Variants in PDE10A observed in about 807,000 individuals in gnomAD.
The protein encoded by PDE10A is phosphodiesterase 10A, also known as cAMP and cAMP-inhibited cGMP 3',5'-cyclic phosphodiesterase 10A.
In PDE10A, 39 loss-of-function variants were observed where a neutral mutation model predicts 97.7. That is an observed-to-expected ratio of 0.40 (90% CI 0.31 to 0.52). The LOEUF (loss-of-function observed/expected upper bound fraction) is 0.52. PDE10A is among the 20% of genes least tolerant of loss of function. The pLI, the probability that PDE10A is intolerant of heterozygous loss-of-function variation, is 0.56. For missense variants in PDE10A, 731 were observed against 1,047.8 expected, an observed-to-expected ratio of 0.70 and a Z score of 4.17; for synonymous variants, 371 against 376.8, an observed-to-expected ratio of 0.98 and a Z score of 0.18.
At chr6:165,615,277 T>A (rs558438147) in intron 1 of PDE10A, among the ~76,000 whole-genome samples, 2 of 152,086 alleles carry the variant, frequency 1.3e-5, no homozygotes, top group East Asian at 3.9e-4. Context: ...ACTAATTCAA[T>A]TCCATTCATT....
intron 1 of PDE10A, among the ~76,000 whole-genome samples, chr6:165,835,323 G>A (rs1368646941): frequency 1.3e-5 from 2 of 152,250 alleles, no homozygotes; most frequent in African/African-American, 4.8e-5. Context: ...TTATACGGAT[G>A]GGCTTTGGCA....
intron 16 of PDE10A, 54 bp downstream of exon 16, chr6:165,392,592 C>T: frequency 7.3e-6 from 11 of 1,514,084 alleles, no homozygotes; most frequent in Non-Finnish European, 1.0e-5. Context: ...TCCTGACACA[C>T]AGTATTAAAT....
At chr6:165,935,685 C>A (rs1783301759) in intron 1 of PDE10A, among the ~76,000 whole-genome samples, 1 of 152,172 alleles carries the variant, frequency 6.6e-6, no homozygotes, top group African/African-American at 2.4e-5. Flanking sequence ...GAGGCAGAAT[C>A]TTTAAGAGGT....
chr6:165,522,271 G>A (rs892301474), intron 2 of PDE10A, among the ~76,000 whole-genome samples: 3 of 152,112 alleles, frequency 2.0e-5, no homozygotes, highest in Non-Finnish European at 4.4e-5. Context: ...AAAATTCAAG[G>A]AGGAGGGACT....
intron 3 of PDE10A, among the ~76,000 whole-genome samples, chr6:165,466,208 T>C (rs1287655314): frequency 6.6e-6 from 1 of 152,228 alleles, no homozygotes; most frequent in Non-Finnish European, 1.5e-5. Context: ...GAATCTCATT[T>C]AGGACAAAAA....
At chr6:165,635,870 A>T (rs1415396545) in intron 1 of PDE10A, among the ~76,000 whole-genome samples, 1 of 152,262 alleles carries the variant, frequency 6.6e-6, no homozygotes, top group East Asian at 1.9e-4. Flanking sequence ...TAGAAACAGA[A>T]GATTCCATTC....
At chr6:165,623,250 C>T (rs1008264369) in intron 1 of PDE10A, among the ~76,000 whole-genome samples, 2 of 148,748 alleles carry the variant, frequency 1.3e-5, no homozygotes, top group Non-Finnish European at 1.5e-5. Flanking sequence ...CTCAGCCTCC[C>T]GAGTAGCTGG....
chr6:165,631,263 CATG>C (rs142801159), intron 1 of PDE10A, among the ~76,000 whole-genome samples: 3,400 of 152,258 alleles, frequency 0.022, 143 homozygotes, highest in African/African-American at 0.078. Context: ...TTGCAAATGA[CATG>C]ATATTAATTT....
At chr6:165,670,475 T>C (rs962610806) in intron 1 of PDE10A, among the ~76,000 whole-genome samples, 5 of 152,184 alleles carry the variant, frequency 3.3e-5, no homozygotes, top group African/African-American at 1.2e-4. Context: ...TAACTTGGAT[T>C]CAACCCATTT....
chr6:165,735,584 G>T (rs1467066787), intron 1 of PDE10A, among the ~76,000 whole-genome samples: 1 of 152,114 alleles, frequency 6.6e-6, no homozygotes, highest in Non-Finnish European at 1.5e-5. Flanking sequence ...GAGTCTGAGG[G>T]CTGGGAGCTG....
At chr6:165,503,239 A>G (rs1007862081) in intron 2 of PDE10A, among the ~76,000 whole-genome samples, 1 of 152,148 alleles carries the variant, frequency 6.6e-6, no homozygotes, top group African/African-American at 2.4e-5. Flanking sequence ...CACAGCCACA[A>G]ACAACTTCAA....
intron 2 of PDE10A, among the ~76,000 whole-genome samples, chr6:165,491,474 A>C (rs1016969733): frequency 1.3e-5 from 2 of 152,226 alleles, no homozygotes; most frequent in Non-Finnish European, 2.9e-5. Flanking sequence ...AACTGTCTCC[A>C]AGACAGACCA....
intron 21 of PDE10A, 122 bp from the exon 22 acceptor site, chr6:165,333,249 G>A (rs889373425): frequency 1.2e-5 from 8 of 663,448 alleles, no homozygotes; most frequent in African/African-American, 9.0e-5. Context: ...GGGGCCCTCC[G>A]ACATGGTTAC....
chr6:165,941,928 C>T (rs1783536282), intron 1 of PDE10A, among the ~76,000 whole-genome samples: 1 of 152,116 alleles, frequency 6.6e-6, no homozygotes, highest in African/African-American at 2.4e-5. Context: ...CCAAAGATCC[C>T]CCATCACCAA....
At chr6:165,483,103 G>T (rs2128281707) in intron 2 of PDE10A, among the ~76,000 whole-genome samples, 1 of 152,342 alleles carries the variant, frequency 6.6e-6, no homozygotes, top group South Asian at 2.1e-4. Flanking sequence ...CTGTGAGAAA[G>T]TGTGTGTCCC....
chr6:165,883,850 AAT>A (rs1781556687), intron 1 of PDE10A, among the ~76,000 whole-genome samples: 1 of 152,156 alleles, frequency 6.6e-6, no homozygotes, highest in Non-Finnish European at 1.5e-5. Context: ...CACAGGCCTA[AAT>A]GACAGGCCAC....
intron 1 of PDE10A, among the ~76,000 whole-genome samples, chr6:165,953,740 T>C (rs1252137625): frequency 6.6e-6 from 1 of 152,208 alleles, no homozygotes; most frequent in Non-Finnish European, 1.5e-5. Flanking sequence ...GATGCACCAA[T>C]ACTGACACAT....
chr6:165,586,090 A>G (rs2128360154), intron 1 of PDE10A, among the ~76,000 whole-genome samples: 1 of 152,314 alleles, frequency 6.6e-6, no homozygotes, highest in South Asian at 2.1e-4. Flanking sequence ...CCTGACAAAC[A>G]GCAGTTATCA....
At chr6:165,781,421 C>T (rs74893125) in intron 1 of PDE10A, 1 of 152,238 alleles carries the variant, frequency 6.6e-6, no homozygotes, top group Non-Finnish European at 1.5e-5. Flanking sequence ...TGTTCTCCAT[C>T]CAGGGATTTA....
Sources: allele counts gnomAD v4.1 joint callset (sites outside exome capture counted in the v4.1 genomes callset), GRCh38; gene constraint gnomAD v4.1.1; transcripts MANE v1.5; gene names NCBI Gene and HGNC (gene_info 2026-07-23, HGNC 2026-07-21).